FHOD1: variants seen among roughly 807,000 people sequenced by gnomAD.
The protein encoded by FHOD1 is FH1/FH2 domain-containing protein 1.
FHOD1 carries 89 observed loss-of-function variants against 111.6 expected under a neutral mutation model. The ratio of observed to expected loss-of-function variants is 0.80; its 90% CI spans 0.67 to 0.95. The LOEUF (loss-of-function observed/expected upper bound fraction) is 0.95. FHOD1 is among the 40% of genes least tolerant of loss of function. The pLI is 0.00. For missense variants in FHOD1, 1,446 were observed against 1,554.2 expected (o/e 0.93, Z 1.17); for synonymous variants, 618 against 639.0 (o/e 0.97, Z 0.50).
Position 67,231,049 on chromosome 16 carries a change from G to A in FHOD1, c.2667+139C>T. On this transcript the variant is annotated intron_variant, in intron 17 of 21. Transcript: ENST00000258201. This position sits in a 1 kb window ranked among gnomAD's most constrained non-coding sequence, Gnocchi z 4.3. The stretch of plus-strand genomic sequence containing the variant: ...AATAGAGGAAAGAGCATTTCTGGCA[G>A]AGGGCATAGCTCACACCCAGGTGGC... 2 of 1,135,956 alleles carry A rather than the reference G, an allele frequency of 1.8e-6. No homozygotes were observed. The highest frequency in any genetic ancestry group is 1.2e-6 in the Non-Finnish European group (1 of 805,830). The allele number at this position is 1,135,956 out of a possible 1,614,324, so 70.4% of individuals were successfully genotyped here. A position where few individuals can be genotyped will look rare whatever the true frequency, so the allele number is the denominator to read the frequency against.
intron 1 of FHOD1, among the ~76,000 whole-genome samples, chr16:67,240,932 G>A (rs2034646049): frequency 5.3e-5 from 8 of 152,206 alleles, no homozygotes; most frequent in Admixed American, 5.2e-4. Context: ...TTGTCCTGCT[G>A]TTTGGTCAGC....
chr16:67,237,831 G>A lies in FHOD1; in HGVS notation c.643-63C>T, dbSNP rs2094085940. 1.4e-6 allele frequency: 2 copies of A among 1,474,486 alleles called. No individual in the cohort carries two copies. The highest frequency in any genetic ancestry group is 1.1e-5 in the South Asian group (1 of 87,896). 91.3% of individuals were successfully genotyped at this position (1,474,486 alleles called of 1,614,324 possible). The stretch of plus-strand genomic sequence containing the variant: ...GCCAGACCTGTGCCAGCTGTTGCTG[G>A]GGAAGGGGAAGGGCTGCTGGGGCTG... On this transcript the variant is annotated intron_variant, in intron 6 of 21. Coordinates refer to ENST00000258201, the MANE Select transcript of FHOD1 (RefSeq NM_013241.3). This position sits in a 1 kb window ranked among gnomAD's most constrained non-coding sequence, Gnocchi z 5.6.
At chr16:67,241,417 A>C (rs554369823) in intron 1 of FHOD1, among the ~76,000 whole-genome samples, 1 of 152,026 alleles carries the variant, frequency 6.6e-6, no homozygotes, top group Admixed American at 6.5e-5. Flanking sequence ...CCCCACCCCC[A>C]TTCAGGCACA....
chr16:67,242,191 A>C (rs917528739), intron 1 of FHOD1, among the ~76,000 whole-genome samples: 5 of 151,702 alleles, frequency 3.3e-5, no homozygotes, highest in Non-Finnish European at 7.4e-5. Flanking sequence ...CTGGTCTTGA[A>C]CTCCTGACCT....
chr16:67,238,451 CA>C lies in FHOD1; in HGVS notation c.374-5del. On this transcript the variant is annotated splice_region_variant and splice_polypyrimidine_tract_variant and intron_variant, in intron 3 of 21. Transcript: ENST00000258201. The surrounding 1 kb of genome is among the most constrained non-coding windows in gnomAD (Gnocchi z 4.2). ...CCACTGGAGCTATACAGCTTTTCTG[CA>C]AAAGGTAGGGTATAAAACCCTTGAT... is the stretch of plus-strand genomic sequence containing the variant. The C allele has an allele frequency of 6.2e-7, 1 of 1,613,110 alleles. No homozygotes were observed. The highest frequency in any genetic ancestry group is 8.5e-7 in the Non-Finnish European group (1 of 1,179,584).
Position 67,231,320 on chromosome 16 carries a change from C to G in FHOD1, c.2535G>C (p.Glu845Asp). ...CCGTGTCCTTCACCTCTGACACCTT[C>G]TCCAGGTAGCTCAGCTCAAAGCCGC... ...QSSGFELSYL[E>D]KVSEVKDTVR... The change falls in exon 17 of 22, where the codon GAG becomes GAC. Residue 845 changes from glutamate (E) to aspartate (D), a missense_variant. Glu to Asp is a conservative substitution (Grantham distance 45). This residue lies in a region of FHOD1 where 1,085 missense variants were observed against 1,108.8 expected (regional missense o/e 0.98). Coordinates refer to ENST00000258201, the MANE Select transcript of FHOD1 (RefSeq NM_013241.3). The surrounding 1 kb of genome is among the most constrained non-coding windows in gnomAD (Gnocchi z 4.3). 6.2e-7 allele frequency: 1 copy of G among 1,614,180 alleles called. No homozygotes were observed. Among genetic ancestry groups the G allele is most frequent in the Non-Finnish European group, 8.5e-7 (1 of 1,180,030 alleles).
At chr16:67,232,443 C>A (rs1005711812) in intron 13 of FHOD1, among the ~76,000 whole-genome samples, 1 of 147,952 alleles carries the variant, frequency 6.8e-6, no homozygotes, top group African/African-American at 2.5e-5. Context: ...GGCGTGAACC[C>A]GGGAGGCGGA....
At position 67,237,580 on chromosome 16, in the gene FHOD1, G is replaced by T; in HGVS notation, c.755-11C>A. On this transcript the variant is annotated splice_polypyrimidine_tract_variant and intron_variant, in intron 7 of 21. Transcript: ENST00000258201. The surrounding 1 kb of genome is among the most constrained non-coding windows in gnomAD (Gnocchi z 5.6). ...CCCAGGGAGGAGCACCTGCCACACA[G>T]AAAGTGGAGCAGTCATGGGGGAACA... 1 of 1,613,796 alleles carries T rather than the reference G, an allele frequency of 6.2e-7. No individual in the cohort carries two copies. Among genetic ancestry groups the T allele is most frequent in the Non-Finnish European group, 8.5e-7 (1 of 1,179,650 alleles).
Position 67,231,608 on chromosome 16 carries a change from C to T in FHOD1, c.2385+29G>A. 6.2e-7 allele frequency: 1 copy of T among 1,614,152 alleles called. No homozygotes were observed. Among genetic ancestry groups the T allele is most frequent in the Non-Finnish European group, 8.5e-7 (1 of 1,179,986 alleles). ...TGGTCATGATGCTTACCTGTCCCTA[C>T]TGACTGTCCCACTCCAAGACCCAGG... On this transcript the variant is annotated intron_variant, in intron 15 of 21. Coordinates refer to ENST00000258201, the MANE Select transcript of FHOD1 (RefSeq NM_013241.3). This position sits in a 1 kb window ranked among gnomAD's most constrained non-coding sequence, Gnocchi z 4.3.
intron 13 of FHOD1, among the ~76,000 whole-genome samples, chr16:67,233,220 G>A (rs2034345918): frequency 6.6e-6 from 1 of 152,022 alleles, no homozygotes; most frequent in Admixed American, 6.6e-5. Context: ...CCGAGTAGCT[G>A]GGATTACAGG....
chr16:67,239,537 T>C (rs1244452580), intron 1 of FHOD1, 83 bp from the exon 2 acceptor site: 1 of 970,374 alleles, frequency 1.0e-6, no homozygotes, highest in East Asian at 2.4e-5. Context: ...TACCTACCAC[T>C]TGAAGGGTGG....
rs578181551 is a variant in FHOD1 at position 67,229,516 on chromosome 16, T to G, written c.*120A>C. ...TGCATACACACACGGCTAATACTGC[T>G]CAAGGCATGGCTCCTGGGCACAGAG... On this transcript the variant is annotated 3_prime_UTR_variant, in exon 22 of 22. Coordinates refer to ENST00000258201, the MANE Select transcript of FHOD1 (RefSeq NM_013241.3). 23 of 867,240 alleles carry G rather than the reference T, an allele frequency of 2.7e-5. No individual in the cohort carries two copies. In the East Asian group the frequency reaches 5.6e-4, roughly 21 times the overall value. 53.7% of individuals were successfully genotyped at this position (867,240 alleles called of 1,614,324 possible).
chr16:67,237,637 A>T lies in FHOD1; in HGVS notation c.754+20T>A. On this transcript the variant is annotated intron_variant, in intron 7 of 21. Transcript: ENST00000258201. The surrounding 1 kb of genome is among the most constrained non-coding windows in gnomAD (Gnocchi z 5.6). Reference sequence around the variant, plus strand: ...AGAGAGGGCTCTGAGCGGTGGGGGGAGAAAGGGACAGTCTCTGACCGGTGG... The same window carrying T: ...AGAGAGGGCTCTGAGCGGTGGGGGGTGAAAGGGACAGTCTCTGACCGGTGG... 1 of 1,613,142 alleles carries T rather than the reference A, an allele frequency of 6.2e-7. No homozygotes were observed. The highest frequency in any genetic ancestry group is 8.5e-7 in the Non-Finnish European group (1 of 1,179,240).
At position 67,231,053 on chromosome 16, in the gene FHOD1, G is replaced by A; in HGVS notation, c.2667+135C>T. 1.7e-6 allele frequency: 2 copies of A among 1,163,692 alleles called. No individual in the cohort carries two copies. The highest frequency in any genetic ancestry group is 2.4e-6 in the Non-Finnish European group (2 of 824,320). The allele number at this position is 1,163,692 out of a possible 1,614,324, so 72.1% of individuals were successfully genotyped here. On this transcript the variant is annotated intron_variant, in intron 17 of 21. Transcript: ENST00000258201. The surrounding 1 kb of genome is among the most constrained non-coding windows in gnomAD (Gnocchi z 4.3). ...GAGGAAAGAGCATTTCTGGCAGAGG[G>A]CATAGCTCACACCCAGGTGGCTGGA... is the stretch of plus-strand genomic sequence containing the variant.
intron 11 of FHOD1, chr16:67,234,797 A>T (rs2034421778): frequency 3.4e-6 from 1 of 292,770 alleles, no homozygotes; most frequent in Non-Finnish European, 6.5e-6. Flanking sequence ...ACAGGGTCTC[A>T]CTCTGTCAGT....
At chr16:67,242,404 T>C (rs1196500744) in intron 1 of FHOD1, among the ~76,000 whole-genome samples, 2 of 152,218 alleles carry the variant, frequency 1.3e-5, no homozygotes, top group African/African-American at 4.8e-5. Flanking sequence ...CCCAGCTGTC[T>C]GTCCTGGGTG....
At chr16:67,235,547 A>C (rs989780911) in intron 11 of FHOD1, among the ~76,000 whole-genome samples, 1 of 151,764 alleles carries the variant, frequency 6.6e-6, no homozygotes, top group African/African-American at 2.4e-5. Flanking sequence ...AAAAAAACAA[A>C]AAAAAAACGG....
Position 67,233,647 on chromosome 16 carries a change from G to A in FHOD1, c.2046+10C>T. 1.3e-6 allele frequency: 2 copies of A among 1,582,262 alleles called. No individual in the cohort carries two copies. The highest frequency in any genetic ancestry group is 1.1e-5 in the South Asian group (1 of 88,282). ...TCCCTTGGGGCTACCTTGCAGATGA[G>A]TGGATTTACCTTGGAGGGCAGCACC... On this transcript the variant is annotated intron_variant, in intron 13 of 21. Coordinates refer to ENST00000258201, the MANE Select transcript of FHOD1 (RefSeq NM_013241.3).
At position 67,233,948 on chromosome 16, in the gene FHOD1, A is replaced by AG. The variant is rs370696219; in HGVS notation, c.1754dup (p.Pro586SerfsTer31). 189 of 256,140 alleles carry AG rather than the reference A, an allele frequency of 7.4e-4. No homozygotes were observed. Among genetic ancestry groups the AG allele is most frequent in the African/African-American group, 8.9e-4 (8 of 9,038 alleles). The allele number at this position is 256,140 out of a possible 1,614,324, so 15.9% of individuals were successfully genotyped here. A position where few individuals can be genotyped will look rare whatever the true frequency, so the allele number is the denominator to read the frequency against. Reference sequence around the variant, plus strand: ...TGGGTGGGGGAGGTGGAAGTGGGGGAGGGGGGGGTACTCCCGAGAGCAGGG... The same window carrying AG: ...TGGGTGGGGGAGGTGGAAGTGGGGGAGGGGGGGGGTACTCCCGAGAGCAGGG... On this transcript the variant is annotated frameshift_variant, in exon 13 of 22. Transcript: ENST00000258201. LOFTEE classifies it high-confidence loss of function.
Sources: allele counts gnomAD v4.1 joint callset (sites outside exome capture counted in the v4.1 genomes callset), GRCh38; gene constraint gnomAD v4.1.1; regional missense constraint gnomAD v4.1.1; non-coding constraint Gnocchi (gnomAD v3.1); transcripts MANE v1.5; gene names NCBI Gene and HGNC (gene_info 2026-07-23, HGNC 2026-07-21).